The following UBXN2B variants were observed in gnomAD, a reference collection of about 807,000 sequenced individuals.
UBXN2B encodes the protein UBX domain protein 2B.
A neutral mutation model predicts 37.5 loss-of-function variants in UBXN2B; 19 were observed. The observed-to-expected ratio is 0.51, with a 90% CI of 0.35 to 0.74. The LOEUF is 0.74. Among genes scored for constraint, UBXN2B ranks in the 30% least tolerant of loss-of-function variants. The probability of loss-of-function intolerance (pLI) is 0.01; values close to 1 mark genes in which losing one functional copy is unlikely to be tolerated. For missense variants in UBXN2B, 370 were observed against 393.2 expected, an observed-to-expected ratio of 0.94 and a Z score of 0.50; for synonymous variants, 145 against 143.8, an observed-to-expected ratio of 1.01 and a Z score of -0.06.
intron 3 of UBXN2B, among the ~76,000 whole-genome samples, chr8:58,432,374 T>TC (rs1402673293): frequency 7.8e-6 from 1 of 128,862 alleles, no homozygotes; most frequent in African/African-American, 3.0e-5. Flanking sequence ...TTTCTAAATT[T>TC]CTTTTTTTTT....
At chr8:58,432,634 G>T (rs993086743) in intron 3 of UBXN2B, among the ~76,000 whole-genome samples, 4 of 151,878 alleles carry the variant, frequency 2.6e-5, no homozygotes, top group Non-Finnish European at 5.9e-5. Context: ...CGCCTGCCTC[G>T]GCCTCCCAAA....
At chr8:58,423,710 C>T (rs1807995037) in intron 2 of UBXN2B, among the ~76,000 whole-genome samples, 1 of 151,294 alleles carries the variant, frequency 6.6e-6, no homozygotes, top group Non-Finnish European at 1.5e-5. Context: ...GCTGGGATTA[C>T]AGGCGTGAGC....
Position 58,450,026 on chromosome 8 carries a change from C to T in UBXN2B, c.*2475C>T, listed in dbSNP as rs978099571. The stretch of plus-strand genomic sequence containing the variant: ...TAGCTGAGAGGATCTATGATTCACA[C>T]CCTTAATATCTTCAAAGAGTCTTGT... On this transcript the variant is annotated 3_prime_UTR_variant, in exon 8 of 8. Transcript: ENST00000399598. 28 of 152,150 alleles carry T rather than the reference C, an allele frequency of 1.8e-4. No homozygotes were observed. Among genetic ancestry groups the T allele is most frequent in the African/African-American group, 6.5e-4 (27 of 41,438 alleles). The allele number at this position is 152,150 out of a possible 1,614,324, so 9.4% of individuals were successfully genotyped here.
At chr8:58,423,885 C>G (rs1454124106) in intron 2 of UBXN2B, among the ~76,000 whole-genome samples, 3 of 151,892 alleles carry the variant, frequency 2.0e-5, no homozygotes, top group African/African-American at 7.2e-5. Flanking sequence ...AAACGTTTTC[C>G]CACCACAACC....
At chr8:58,428,706 C>G (rs1808170352) in intron 2 of UBXN2B, among the ~76,000 whole-genome samples, 1 of 152,152 alleles carries the variant, frequency 6.6e-6, no homozygotes, top group South Asian at 2.1e-4. Flanking sequence ...CCCAAACATT[C>G]ATGAAGAATT....
chr8:58,432,069 T>A (rs1808293189), intron 3 of UBXN2B, among the ~76,000 whole-genome samples: 2 of 152,244 alleles, frequency 1.3e-5, no homozygotes. Context: ...GATTTTTCAC[T>A]AAGGAAAAGC....
rs1808771208 is a variant in UBXN2B, at chr8:58,450,129, C to G, written c.*2578C>G. On this transcript the variant is annotated 3_prime_UTR_variant, in exon 8 of 8. Transcript: ENST00000399598. The stretch of plus-strand genomic sequence containing the variant: ...TATACAGCCATATCTTCATCACTTT[C>G]TCTAGAGTAAAGGCTGTCCTGACGG... 6.6e-6 allele frequency: 1 copy of G among 152,224 alleles called. No individual in the cohort carries two copies. Among genetic ancestry groups the G allele is most frequent in the Non-Finnish European group, 1.5e-5 (1 of 68,048 alleles). The allele number at this position is 152,224 out of a possible 1,614,324, so 9.4% of individuals were successfully genotyped here.
intron 2 of UBXN2B, chr8:58,424,723 G>A (rs1174526689): frequency 1.4e-5 from 19 of 1,359,200 alleles, no homozygotes; most frequent in Middle Eastern, 2.3e-4. Context: ...CGTCTGGTCC[G>A]CTAGAGAATA....
chr8:58,411,630 C>T (rs917361632), intron 1 of UBXN2B, among the ~76,000 whole-genome samples, 161 bp downstream of exon 1: 5 of 152,250 alleles, frequency 3.3e-5, no homozygotes, highest in African/African-American at 1.2e-4. Context: ...CGGGTCTTGA[C>T]ACTGTGGTGG....
intron 2 of UBXN2B, among the ~76,000 whole-genome samples, chr8:58,422,363 C>G (rs185719621): frequency 2.1e-3 from 327 of 152,348 alleles, no homozygotes; most frequent in Non-Finnish European, 3.8e-3. Context: ...GGATCTAGGC[C>G]TTCCTTTCAG....
rs1808501925 is a variant in UBXN2B, at chr8:58,439,911, C to A, written c.671+141C>A. The A allele has an allele frequency of 9.4e-6, 6 of 636,178 alleles. No homozygotes were observed. The South Asian group carries it at 1.7e-4, about 18-fold the overall frequency. The allele number at this position is 636,178 out of a possible 1,614,324, so 39.4% of individuals were successfully genotyped here. A position where few individuals can be genotyped will look rare whatever the true frequency, so the allele number is the denominator to read the frequency against. On this transcript the variant is annotated intron_variant, in intron 6 of 7. Transcript: ENST00000399598. Reference sequence around the variant, plus strand: ...ATATATACATCTGTTAATATTATATCATAATATTATATCATGTGATACCAT... The same window carrying A: ...ATATATACATCTGTTAATATTATATAATAATATTATATCATGTGATACCAT...
At chr8:58,433,093 A>AT in intron 3 of UBXN2B, 67 bp from the exon 4 acceptor site, 2 of 1,282,922 alleles carry the variant, frequency 1.6e-6, no homozygotes, top group Non-Finnish European at 2.2e-6. Flanking sequence ...TTTAAAATAC[A>AT]TATCACATAA....
Position 58,445,921 on chromosome 8 carries a change from TAGTC to T in UBXN2B, c.690_693del (p.Ser231HisfsTer32). 1.2e-6 allele frequency: 2 copies of T among 1,600,198 alleles called. No individual in the cohort carries two copies. The highest frequency in any genetic ancestry group is 1.7e-6 in the Non-Finnish European group (2 of 1,175,236). On this transcript the variant is annotated frameshift_variant, in exon 7 of 8. Transcript: ENST00000399598. LOFTEE classifies it high-confidence loss of function. ...CTCTTTTTTAGCCTTACACCTGAAA[TAGTC>T]AGTACACCTTCCTCTCCAGAAGAGG...
chr8:58,426,466 C>T (rs1808093962), intron 2 of UBXN2B: 1 of 683,474 alleles, frequency 1.5e-6, no homozygotes, highest in African/African-American at 1.8e-5. Context: ...CCTCAGCCTC[C>T]CAAAGTGCTG....
chr8:58,441,496 C>T (rs1169487233), intron 6 of UBXN2B, among the ~76,000 whole-genome samples: 1 of 151,548 alleles, frequency 6.6e-6, no homozygotes, highest in African/African-American at 2.4e-5. Flanking sequence ...AGATAAAATG[C>T]CTAGTCATCT....
At chr8:58,433,123 C>A (rs964755562) in intron 3 of UBXN2B, 37 bp from the exon 4 acceptor site, 16 of 1,482,560 alleles carry the variant, frequency 1.1e-5, no homozygotes, top group Non-Finnish European at 1.4e-5. Flanking sequence ...GCTGAATAAT[C>A]CTTTGTGAAT....
intron 6 of UBXN2B, among the ~76,000 whole-genome samples, chr8:58,443,699 T>C (rs1808606658): frequency 6.6e-6 from 1 of 151,136 alleles, no homozygotes; most frequent in Non-Finnish European, 1.5e-5. Context: ...TCCCAGCTAC[T>C]TGGGAGGCTG....
chr8:58,447,491 A>C lies in UBXN2B; in HGVS notation c.936A>C (p.Glu312Asp). The C allele has an allele frequency of 4.3e-6, 7 of 1,613,502 alleles. No homozygotes were observed. Among genetic ancestry groups the C allele is most frequent in the Non-Finnish European group, 5.9e-6 (7 of 1,179,622 alleles). ...TSFPNKELTD[E>D]SLTLLEADIL... ...TTCCGAATAAAGAGCTAACAGATGA[A>C]AGCCTGACACTGCTAGAAGCAGATA... The change falls in exon 8 of 8, where the codon GAA becomes GAC. Residue 312 changes from glutamate to aspartate, a missense_variant. By Grantham distance (45) the Glu-to-Asp change is conservative (BLOSUM62 2). Coordinates refer to ENST00000399598, the MANE Select transcript of UBXN2B (RefSeq NM_001077619.2).
Position 58,413,815 on chromosome 8 carries a change from C to CA in UBXN2B, c.84+2349dup, listed in dbSNP as rs1282357146. ...TTTTCATAGCTCCCTTCATCCCCCT[C>CA]AAATAAGGAGATGGTCATGGGGAAA... On this transcript the variant is annotated intron_variant, in intron 1 of 7. Transcript: ENST00000399598. 2.0e-5 allele frequency among the ~76,000 whole-genome samples: 3 copies of CA among 152,262 alleles called. No individual in the cohort carries two copies. In the East Asian group the frequency reaches 5.8e-4, roughly 29 times the overall value.
Sources: gnomAD v4.1 joint callset for allele counts (sites outside exome capture counted in the v4.1 genomes callset) on GRCh38, gnomAD v4.1.1 for gene constraint, MANE v1.5 for transcripts, NCBI Gene and HGNC (gene_info 2026-07-23, HGNC 2026-07-21) for gene names.